UGP2: variants seen among roughly 807,000 people sequenced by gnomAD.
UGP2 encodes UDP-glucose pyrophosphorylase 2.
In UGP2, 40 loss-of-function variants were observed where a neutral mutation model predicts 49.0. That is an observed-to-expected ratio of 0.82 (90% CI 0.63 to 1.06). The LOEUF (loss-of-function observed/expected upper bound fraction) is 1.06, where lower values mean the gene tolerates loss of function less well. Ranked by LOEUF, UGP2 falls within the 50% of genes least tolerant of loss-of-function variation. The pLI, the probability that UGP2 is intolerant of heterozygous loss-of-function variation, is 0.00. For synonymous variants in UGP2, 225 were observed against 213.0 expected, an observed-to-expected ratio of 1.06 and a Z score of -0.49; for missense variants, 460 against 603.5, an observed-to-expected ratio of 0.76 and a Z score of 2.49.
intron 2 of UGP2, chr2:63,856,795 CT>C: frequency 2.2e-6 from 1 of 461,462 alleles, no homozygotes; most frequent in Non-Finnish European, 4.3e-6. Context: ...CAGAGAGTCA[CT>C]TCTGATAGAA....
chr2:63,890,584 A>C (rs573866131), intron 9 of UGP2, among the ~76,000 whole-genome samples: 1 of 152,284 alleles, frequency 6.6e-6, no homozygotes, highest in East Asian at 1.9e-4. Context: ...CAAATCATGT[A>C]ATTTTTTAAA....
intron 7 of UGP2, among the ~76,000 whole-genome samples, chr2:63,887,138 C>A (rs963596135): frequency 6.6e-6 from 1 of 151,998 alleles, no homozygotes; most frequent in Non-Finnish European, 1.5e-5. Flanking sequence ...GTGGCACATG[C>A]CTATAATTCC....
intron 2 of UGP2, chr2:63,856,828 C>T: frequency 2.2e-6 from 1 of 458,470 alleles, no homozygotes; most frequent in Non-Finnish European, 4.4e-6. Flanking sequence ...TGACAATTGT[C>T]ATAGAAGTTT....
intron 3 of UGP2, among the ~76,000 whole-genome samples, chr2:63,860,753 G>A (rs1200069106): frequency 1.3e-5 from 2 of 148,208 alleles, no homozygotes; most frequent in Non-Finnish European, 3.0e-5. Context: ...GTGCCACCAG[G>A]CCCAGCTAAT....
At chr2:63,875,041 T>G (rs1670824050) in intron 3 of UGP2, among the ~76,000 whole-genome samples, 1 of 152,236 alleles carries the variant, frequency 6.6e-6, no homozygotes, top group Non-Finnish European at 1.5e-5. Context: ...AGGTATGACT[T>G]TTCTGTTATA....
At chr2:63,867,357 T>G (rs577163971) in intron 3 of UGP2, among the ~76,000 whole-genome samples, 3 of 152,302 alleles carry the variant, frequency 2.0e-5, no homozygotes, top group Admixed American at 2.0e-4. Flanking sequence ...GGCAAGTTAT[T>G]TAACTGCTTT....
Position 63,886,541 on chromosome 2 carries a change from A to G in UGP2, c.1071+3A>G. The G allele has an allele frequency of 6.2e-7, 1 of 1,613,960 alleles. No homozygotes were observed. The highest frequency in any genetic ancestry group is 1.7e-4 in the Middle Eastern group (1 of 6,060). On this transcript the variant is annotated splice_donor_region_variant and intron_variant, in intron 7 of 9. Coordinates refer to ENST00000337130, the MANE Select transcript of UGP2 (RefSeq NM_006759.4). ...TGGAAATCATTGTGAATGCAAAGGT[A>G]AGCCAAGGTTGTGGCCCATTGAGCT...
intron 1 of UGP2, among the ~76,000 whole-genome samples, chr2:63,844,404 G>A (rs200120670): frequency 6.3e-4 from 96 of 152,124 alleles, no homozygotes; most frequent in African/African-American, 2.2e-3. Context: ...TCCTTCATAG[G>A]GGAAAGAGTT....
rs371205713 is a variant in UGP2 at position 63,868,952 on chromosome 2, T to C, written c.255+11016T>C. Among the ~76,000 whole-genome samples the C allele has an allele frequency of 4.0e-5, 6 of 149,948 alleles. No individual in the cohort carries two copies. In the Admixed American group the frequency reaches 4.0e-4, roughly 10 times the overall value. On this transcript the variant is annotated intron_variant, in intron 3 of 9. Coordinates refer to ENST00000337130, the MANE Select transcript of UGP2 (RefSeq NM_006759.4). ...CGCACTCTAGCCTGGGCGACAAGAG[T>C]GAAACTCCATCTCAAAAAAAAAAAA... is the stretch of plus-strand genomic sequence containing the variant.
At position 63,882,645 on chromosome 2, in the gene UGP2, A is replaced by G; in HGVS notation, c.435A>G (p.Gln145=). The G allele has an allele frequency of 6.4e-7, 1 of 1,561,676 alleles. No individual in the cohort carries two copies. The highest frequency in any genetic ancestry group is 8.7e-7 in the Non-Finnish European group (1 of 1,145,166). Residue 145 remains glutamine (Q), a synonymous_variant, in exon 4 of 10, where the codon CAA becomes CAG. Coordinates refer to ENST00000337130, the MANE Select transcript of UGP2 (RefSeq NM_006759.4). ...CCTTTCTGGATCTGACTGTTCAGCAAATTGAAGTGAGTAACATTTAGCCTT... is the reference window on the plus strand; with the variant it reads ...CCTTTCTGGATCTGACTGTTCAGCAGATTGAAGTGAGTAACATTTAGCCTT... ...ENTFLDLTVQ[Q]IEHLNKTYNT...
At chr2:63,879,214 T>A (rs1435143854) in intron 3 of UGP2, among the ~76,000 whole-genome samples, 1 of 152,140 alleles carries the variant, frequency 6.6e-6, no homozygotes, top group Non-Finnish European at 1.5e-5. Flanking sequence ...TGTATAAATA[T>A]TTGTTCCCTC....
intron 1 of UGP2, among the ~76,000 whole-genome samples, chr2:63,855,239 G>C (rs75118511): frequency 6.6e-6 from 1 of 152,088 alleles, no homozygotes; most frequent in Non-Finnish European, 1.5e-5. Flanking sequence ...GTATATAAGG[G>C]GAAAGAGTTT....
At chr2:63,862,837 A>G in intron 3 of UGP2, 1 of 456,320 alleles carries the variant, frequency 2.2e-6, no homozygotes, top group Non-Finnish European at 4.4e-6. Flanking sequence ...TCTTTTGCCC[A>G]CAGGCAGGCT....
intron 1 of UGP2, among the ~76,000 whole-genome samples, chr2:63,850,878 G>A (rs1408530564): frequency 2.0e-5 from 3 of 152,114 alleles, no homozygotes; most frequent in African/African-American, 7.2e-5. Context: ...GAGCATAGCT[G>A]GATCATAATA....
At chr2:63,882,683 C>T (rs765645292) in intron 4 of UGP2, 32 bp downstream of exon 4, 9 of 1,455,408 alleles carry the variant, frequency 6.2e-6, no homozygotes, top group Non-Finnish European at 8.2e-6. Context: ...TCATGAGATA[C>T]TAAAATAGTT....
chr2:63,842,367 T>C, intron 1 of UGP2, 163 bp downstream of exon 1: 1 of 1,601,466 alleles, frequency 6.2e-7, no homozygotes. Context: ...AGCTGCTGGG[T>C]TGACGTTCCA....
At chr2:63,849,588 G>GT (rs1317006590) in intron 1 of UGP2, among the ~76,000 whole-genome samples, 1 of 152,194 alleles carries the variant, frequency 6.6e-6, no homozygotes, top group Non-Finnish European at 1.5e-5. Flanking sequence ...ATGAGATGCA[G>GT]TAAGAAAGTA....
At chr2:63,890,991 T>C (rs1344447262) in intron 9 of UGP2, 129 bp from the exon 10 acceptor site, 7 of 603,634 alleles carry the variant, frequency 1.2e-5, no homozygotes, top group Non-Finnish European at 1.4e-5. Flanking sequence ...TTTTTCATGT[T>C]TAATATTGTT....
chr2:63,856,227 A>G (rs1207492102), intron 1 of UGP2, 79 bp from the exon 2 acceptor site: 20 of 1,527,772 alleles, frequency 1.3e-5, no homozygotes, highest in Non-Finnish European at 1.6e-5. Flanking sequence ...GCTGAATACC[A>G]GAAATCAGTT....
Sources: gnomAD v4.1 joint callset for allele counts (sites outside exome capture counted in the v4.1 genomes callset) on GRCh38, gnomAD v4.1.1 for gene constraint, MANE v1.5 for transcripts, NCBI Gene and HGNC (gene_info 2026-07-23, HGNC 2026-07-21) for gene names.